The following UNC13B variants were observed in gnomAD, a reference collection of about 807,000 sequenced individuals.
UNC13B encodes unc-13 homolog B.
UNC13B carries 144 observed loss-of-function variants against 211.0 expected under a neutral mutation model. The ratio of observed to expected loss-of-function variants is 0.68; its 90% CI spans 0.60 to 0.78. The LOEUF (loss-of-function observed/expected upper bound fraction) is 0.78. Ranked by LOEUF, UNC13B falls within the 30% of genes least tolerant of loss-of-function variation. The probability of loss-of-function intolerance (pLI) is 0.00; values close to 1 mark genes in which losing one functional copy is unlikely to be tolerated. For missense variants in UNC13B, 1,777 were observed against 2,002.0 expected, an observed-to-expected ratio of 0.89 and a Z score of 2.14; for synonymous variants, 709 against 725.8, an observed-to-expected ratio of 0.98 and a Z score of 0.37.
intron 7 of UNC13B, among the ~76,000 whole-genome samples, chr9:35,286,802 T>C (rs1243564987): frequency 2.0e-5 from 3 of 152,088 alleles, no homozygotes; most frequent in Admixed American, 6.6e-5. Context: ...GGCAAACACA[T>C]CCGTGTGCTG....
intron 3 of UNC13B, 135 bp from the exon 4 acceptor site, chr9:35,236,334 C>T: frequency 1.5e-6 from 1 of 687,860 alleles, no homozygotes. Flanking sequence ...ATGGTCGTGG[C>T]ATTCTGGGAA....
At position 35,398,214 on chromosome 9, in the gene UNC13B, T is replaced by C; in HGVS notation, c.11758T>C (p.Cys3920Arg). 1 of 1,613,554 alleles carries C rather than the reference T, an allele frequency of 6.2e-7. No homozygotes were observed. The highest frequency in any genetic ancestry group is 2.2e-5 in the East Asian group (1 of 44,880). The change falls in exon 31 of 40, where the codon TGC (cysteine) becomes CGC (arginine). Residue 3920 changes from cysteine (C) to arginine (R), a missense_variant. Transcript: ENST00000635942. ...ACAGCTACATCTGTCCCCAAAGCCC[T>C]GCATCCTGATGAACAACGTGCAGCA... ...PAYCTKEKLPCILMNNVQQLR... is the reference protein window; with the variant it reads ...PAYCTKEKLPRILMNNVQQLR...
chr9:35,371,350 T>TTTC lies in UNC13B; in HGVS notation c.9540+956_9540+957insCTT, dbSNP rs1393665495. The stretch of plus-strand genomic sequence containing the variant: ...TCCTTTCTCTCTCTTTCTTTCTTTC[T>TTTC]TTTTTTTTTTTTTTATAGAGACGGA... On this transcript the variant is annotated intron_variant, in intron 13 of 39. Coordinates refer to ENST00000635942, the MANE Select transcript of UNC13B (RefSeq NM_001371189.2). Among the ~76,000 whole-genome samples the TTTC allele has an allele frequency of 3.9e-4, 47 of 119,560 alleles. No individual in the cohort carries two copies. The East Asian group carries it at 4.1e-3, about 10-fold the overall frequency. 78.4% of individuals were successfully genotyped at this position (119,560 alleles called of 152,430 possible).
intron 1 of UNC13B, among the ~76,000 whole-genome samples, chr9:35,212,745 C>T (rs1428809166): frequency 2.0e-5 from 3 of 152,174 alleles, no homozygotes; most frequent in African/African-American, 7.2e-5. Flanking sequence ...AGTAAGGCGG[C>T]TCTCCCTTGG....
At position 35,257,367 on chromosome 9, in the gene UNC13B, T is replaced by TCATAAAAA. The variant is rs1826964790; in HGVS notation, c.469-1626_469-1625insCATAAAAA. ...TTTATAAAAATATTTATATAAATAT[T>TCATAAAAA]TATAAAATATTTATATAAATATTTA... is the stretch of plus-strand genomic sequence containing the variant. On this transcript the variant is annotated intron_variant, in intron 6 of 39. Transcript: ENST00000635942. 6.6e-4 allele frequency among the ~76,000 whole-genome samples: 2 copies of TCATAAAAA among 3,030 alleles called. 1 individual carries two copies. Among genetic ancestry groups the TCATAAAAA allele is most frequent in the Non-Finnish European group, 6.7e-3 (2 of 298 alleles). 2.0% of individuals were successfully genotyped at this position (3,030 alleles called of 152,430 possible).
rs1477035815 is a variant in UNC13B at position 35,232,651 on chromosome 9, A to C, written c.152+1432A>C. The stretch of plus-strand genomic sequence containing the variant: ...GTTGGGTGGTATGCCATTCAGTAGG[A>C]TAGGGATTAATATCAGTTATGGACA... On this transcript the variant is annotated intron_variant, in intron 3 of 39. Transcript: ENST00000635942. Among the ~76,000 whole-genome samples the C allele has an allele frequency of 2.0e-5, 3 of 152,168 alleles. No homozygotes were observed. In the East Asian group the frequency reaches 5.8e-4, roughly 29 times the overall value.
chr9:35,282,654 C>A (rs1828567415), intron 7 of UNC13B, among the ~76,000 whole-genome samples: 1 of 152,016 alleles, frequency 6.6e-6, no homozygotes. Flanking sequence ...AGGCTGGTCT[C>A]GAACTCCTGA....
At chr9:35,164,239 A>AT (rs1820921167) in intron 1 of UNC13B, among the ~76,000 whole-genome samples, 2 of 152,172 alleles carry the variant, frequency 1.3e-5, no homozygotes, top group African/African-American at 4.8e-5. Flanking sequence ...CTGGTCTTGA[A>AT]CTTCTGACCT....
Position 35,403,199 on chromosome 9 carries a change from T to G in UNC13B, c.12517T>G (p.Ser4173Ala). ...TGTGGACGATCCTGTGGGAGAAGTCTCTATTCAGGTGGACTTGTTTACACA... is the reference window on the plus strand; with the variant it reads ...TGTGGACGATCCTGTGGGAGAAGTCGCTATTCAGGTGGACTTGTTTACACA... ...SGVDDPVGEV[S>A]IQVDLFTHPG... The change falls in exon 38 of 40, where the codon TCT (serine) becomes GCT (alanine). Residue 4173 changes from serine (S) to alanine (A), a missense_variant. Physicochemically the swap from Ser to Ala is moderately conservative, Grantham distance 99. Transcript: ENST00000635942. 5 of 1,614,188 alleles carry G rather than the reference T, an allele frequency of 3.1e-6. No individual in the cohort carries two copies. Among genetic ancestry groups the G allele is most frequent in the Non-Finnish European group, 4.2e-6 (5 of 1,180,018 alleles).
At chr9:35,228,747 T>C (rs1825021028) in intron 2 of UNC13B, among the ~76,000 whole-genome samples, 1 of 137,868 alleles carries the variant, frequency 7.3e-6, no homozygotes, top group Non-Finnish European at 1.6e-5. Context: ...TGTGTGTGTG[T>C]GTATGTGTGT....
chr9:35,259,050 TGTAA>T lies in UNC13B; in HGVS notation c.526+3_526+6del, dbSNP rs758138869. ...ATTGCCCACTGCTGCCGCCCAGTGT[TGTAA>T]GTGAGAAACTTGTCTATGAATCTCT... On this transcript the variant is annotated splice_donor_variant and splice_donor_region_variant and intron_variant, in intron 7 of 39. Transcript: ENST00000635942. LOFTEE classifies it high-confidence loss of function. The T allele has an allele frequency of 4.3e-5, 70 of 1,613,774 alleles. No homozygotes were observed. Among genetic ancestry groups the T allele is most frequent in the African/African-American group, 1.7e-4 (13 of 74,930 alleles).
intron 2 of UNC13B, among the ~76,000 whole-genome samples, chr9:35,228,687 A>G (rs1825008018): frequency 6.8e-6 from 1 of 147,988 alleles, no homozygotes; most frequent in African/African-American, 2.5e-5. Context: ...CTTTTCCCCC[A>G]GCAACACATC....
rs1823233784 is a variant in UNC13B at position 35,200,712 on chromosome 9, T to C, written c.23-27303T>C. Reference sequence around the variant, plus strand: ...TATCCTGAGACTTTCCTGAAGTTGCTTATCAGCTTAAGGAGATTTTGGGCT... The same window carrying C: ...TATCCTGAGACTTTCCTGAAGTTGCCTATCAGCTTAAGGAGATTTTGGGCT... On this transcript the variant is annotated intron_variant, in intron 1 of 39. Coordinates refer to ENST00000635942, the MANE Select transcript of UNC13B (RefSeq NM_001371189.2). 3.3e-5 allele frequency among the ~76,000 whole-genome samples: 5 copies of C among 152,368 alleles called. 1 individual carries two copies. The South Asian group carries it at 1.0e-3, about 32-fold the overall frequency.
intron 1 of UNC13B, among the ~76,000 whole-genome samples, chr9:35,183,513 G>A (rs1822110604): frequency 8.1e-6 from 1 of 123,736 alleles, no homozygotes; most frequent in Non-Finnish European, 1.7e-5. Context: ...GGGGCGGCCG[G>A]GCAGAGGCTC....
chr9:35,185,909 C>T (rs1822333587), intron 1 of UNC13B, among the ~76,000 whole-genome samples: 2 of 150,516 alleles, frequency 1.3e-5, no homozygotes, highest in Non-Finnish European at 3.0e-5. Flanking sequence ...CAGAGCGAGA[C>T]TCTACCTCAA....
chr9:35,303,790 T>A lies in UNC13B; in HGVS notation c.4386T>A (p.Asn1462Lys). The change falls in exon 9 of 40, where the codon AAT (asparagine) becomes AAA (lysine). Residue 1462 changes from asparagine (N) to lysine (K), a missense_variant. Asn to Lys is a moderately conservative substitution (Grantham distance 94, BLOSUM62 0). Coordinates refer to ENST00000635942, the MANE Select transcript of UNC13B (RefSeq NM_001371189.2). ...LYGNSGPLPINEANNSLEELP... is the reference protein window; with the variant it reads ...LYGNSGPLPIKEANNSLEELP... ...GAAACTCTGGTCCTCTTCCAATTAA[T>A]GAGGCTAATAATTCACTAGAAGAAT... is the stretch of plus-strand genomic sequence containing the variant. The A allele has an allele frequency of 2.5e-6, 1 of 398,814 alleles. No homozygotes were observed. Among genetic ancestry groups the A allele is most frequent in the East Asian group, 3.6e-5 (1 of 28,064 alleles). The allele number at this position is 398,814 out of a possible 1,614,324, so 24.7% of individuals were successfully genotyped here.
chr9:35,297,148 G>A (rs1271324787), intron 8 of UNC13B, among the ~76,000 whole-genome samples: 1 of 147,946 alleles, frequency 6.8e-6, no homozygotes, highest in Non-Finnish European at 1.5e-5. Context: ...GAGTGCAGTG[G>A]CGTGATCTCG....
At chr9:35,338,158 TG>T (rs1434507184) in intron 11 of UNC13B, among the ~76,000 whole-genome samples, 9 of 152,146 alleles carry the variant, frequency 5.9e-5, no homozygotes, top group Non-Finnish European at 1.3e-4. Flanking sequence ...GATCATGAAT[TG>T]TTAATTATTT....
At chr9:35,227,972 A>G (rs1341662538) in intron 1 of UNC13B, 43 bp from the exon 2 acceptor site, 34 of 1,590,278 alleles carry the variant, frequency 2.1e-5, no homozygotes, top group Non-Finnish European at 2.9e-5. Flanking sequence ...AGTAAAATGA[A>G]CTTGGAAACA....
Sources: gnomAD v4.1 joint callset for allele counts (sites outside exome capture counted in the v4.1 genomes callset) on GRCh38, gnomAD v4.1.1 for gene constraint, MANE v1.5 for transcripts, NCBI Gene and HGNC (gene_info 2026-07-23, HGNC 2026-07-21) for gene names.